Variants in ADHFE1 observed in about 807,000 individuals in gnomAD.
ADHFE1 encodes hydroxyacid-oxoacid transhydrogenase, mitochondrial.
In ADHFE1, 37 loss-of-function variants were observed where a neutral mutation model predicts 54.8. The observed-to-expected ratio is 0.68, with a 90% confidence interval of 0.52 to 0.89. The LOEUF (loss-of-function observed/expected upper bound fraction) is 0.89. Ranked by LOEUF, ADHFE1 falls within the 40% of genes least tolerant of loss-of-function variation. The pLI is 0.00. For missense variants in ADHFE1, 601 were observed against 591.2 expected (o/e 1.02, Z -0.17); for synonymous variants, 203 against 229.3 (o/e 0.89, Z 1.04).
intron 8 of ADHFE1, among the ~76,000 whole-genome samples, chr8:66,450,005 T>A (rs779350423): frequency 5.3e-5 from 8 of 152,170 alleles, no homozygotes; most frequent in Non-Finnish European, 8.8e-5. Flanking sequence ...TGCCTGCACA[T>A]CCCTGTACAG....
chr8:66,453,728 C>A lies in ADHFE1; in HGVS notation c.888-331C>A, dbSNP rs186204925. 157 of 1,375,532 alleles carry A rather than the reference C, an allele frequency of 1.1e-4. No individual in the cohort carries two copies. In the African/African-American group the frequency reaches 2.1e-3, roughly 19 times the overall value. The allele number at this position is 1,375,532 out of a possible 1,614,324, so 85.2% of individuals were successfully genotyped here. On this transcript the variant is annotated intron_variant, in intron 9 of 13. Coordinates refer to ENST00000396623, the MANE Select transcript of ADHFE1 (RefSeq NM_144650.3). ...TTCACAGGGCCGTCAACAGCACTGA[C>A]AAATGAAGAAGAAGAATGAGTCTCA...
intron 13 of ADHFE1, among the ~76,000 whole-genome samples, chr8:66,463,642 A>G (rs1807021113): frequency 6.6e-6 from 1 of 152,218 alleles, no homozygotes; most frequent in African/African-American, 2.4e-5. Context: ...ACTGTTTTAC[A>G]GGAATGCTGT....
At position 66,441,971 on chromosome 8, in the gene ADHFE1, C is replaced by CA. The variant is rs1342780853; in HGVS notation, c.98-814dup. Among the ~76,000 whole-genome samples, 411 of 116,244 alleles carry CA rather than the reference C, an allele frequency of 3.5e-3. 1 individual carries two copies. Among genetic ancestry groups the CA allele is most frequent in the African/African-American group, 5.4e-3 (168 of 31,060 alleles). The allele number at this position is 116,244 out of a possible 152,430, so 76.3% of individuals were successfully genotyped here. On this transcript the variant is annotated intron_variant, in intron 2 of 13. Coordinates refer to ENST00000396623, the MANE Select transcript of ADHFE1 (RefSeq NM_144650.3). ...TGGGTGACAGAGCAAAACTCCATCT[C>CA]AAAAAAAAAAAAAGGTTTATTAAAT...
chr8:66,468,045 CAAGGGGCAGTGGCTTTCG>C (rs1025698536), intron 13 of ADHFE1, among the ~76,000 whole-genome samples: 1 of 152,102 alleles, frequency 6.6e-6, no homozygotes, highest in African/African-American at 2.4e-5. Flanking sequence ...GGGCGTAAGG[CAAGGGGCAGTGGCTTTCG>C]AAAGCTCTGT....
Position 66,453,639 on chromosome 8 carries a change from T to C in ADHFE1, c.888-420T>C, listed in dbSNP as rs181785747. On this transcript the variant is annotated intron_variant, in intron 9 of 13. Coordinates refer to ENST00000396623, the MANE Select transcript of ADHFE1 (RefSeq NM_144650.3). The stretch of plus-strand genomic sequence containing the variant: ...CCCCAGTGGGTCCAGTGGGAGGCAG[T>C]GTCTCAGAGAGAAAGAGCGCTGGCC... 7.9e-4 allele frequency: 1,019 copies of C among 1,298,008 alleles called. 9 individuals are homozygous for C. The African/African-American group carries it at 0.014, about 18-fold the overall frequency. 80.4% of individuals were successfully genotyped at this position (1,298,008 alleles called of 1,614,324 possible).
intron 6 of ADHFE1, among the ~76,000 whole-genome samples, chr8:66,446,463 G>A (rs970887268): frequency 6.6e-6 from 1 of 152,226 alleles, no homozygotes; most frequent in Non-Finnish European, 1.5e-5. Flanking sequence ...CCCCCAAGGA[G>A]CCTGAGGTTC....
intron 12 of ADHFE1, among the ~76,000 whole-genome samples, chr8:66,457,468 AC>A (rs1806646611): frequency 1.4e-5 from 2 of 146,550 alleles, no homozygotes; most frequent in African/African-American, 2.6e-5. Flanking sequence ...ACAGAGTGAG[AC>A]TCTCTCTCTC....
chr8:66,465,231 C>T (rs987475439), intron 13 of ADHFE1, among the ~76,000 whole-genome samples: 6 of 152,102 alleles, frequency 3.9e-5, no homozygotes, highest in Non-Finnish European at 5.9e-5. Flanking sequence ...GGGGTATATA[C>T]CTAGGAGTAG....
At chr8:66,461,226 G>C (rs143937080) in intron 13 of ADHFE1, among the ~76,000 whole-genome samples, 181 of 152,296 alleles carry the variant, frequency 1.2e-3, no homozygotes, top group African/African-American at 4.2e-3. Context: ...CCACACCATA[G>C]TCGCCATGCC....
At chr8:66,465,775 T>C (rs188017378) in intron 13 of ADHFE1, among the ~76,000 whole-genome samples, 34 of 151,760 alleles carry the variant, frequency 2.2e-4, no homozygotes, top group African/African-American at 8.0e-4. Context: ...AATTTTTGTA[T>C]TTTTAGTAGA....
chr8:66,452,060 T>G lies in ADHFE1; in HGVS notation c.842T>G (p.Ile281Ser). 1 of 1,614,154 alleles carries G rather than the reference T, an allele frequency of 6.2e-7. No individual in the cohort carries two copies. The highest frequency in any genetic ancestry group is 2.2e-5 in the East Asian group (1 of 44,888). The change falls in exon 9 of 14, where the codon ATT becomes AGT. Residue 281 changes from isoleucine to serine, a missense_variant. Coordinates refer to ENST00000396623, the MANE Select transcript of ADHFE1 (RefSeq NM_144650.3). ...CAGGGCAGCAACCCAATCAGTGACA[T>G]TTGGGCTATCCACGCGCTGCGGATC... ...AYQGSNPISD[I>S]WAIHALRIVA... is the part of the protein sequence containing the mutation.
intron 1 of ADHFE1, among the ~76,000 whole-genome samples, chr8:66,433,742 A>G (rs971310424): frequency 6.5e-4 from 99 of 152,390 alleles, no homozygotes; most frequent in African/African-American, 2.1e-3. Flanking sequence ...CCATGACAAA[A>G]GAATTACATG....
In ADHFE1 at chr8:66,444,635, A is replaced by G; in HGVS notation, c.240A>G (p.Thr80=). Residue 80 remains threonine, a synonymous_variant, in exon 5 of 14, where the codon ACA becomes ACG. Coordinates refer to ENST00000396623, the MANE Select transcript of ADHFE1 (RefSeq NM_144650.3). ...NMGAKNVCLM[T]DKNLSKLPPV... Reference sequence around the variant, plus strand: ...GTGCTAAAAATGTGTGCTTGATGACAGACAAGAACCTCTCCAAGCTCCCTC... The same window carrying G: ...GTGCTAAAAATGTGTGCTTGATGACGGACAAGAACCTCTCCAAGCTCCCTC... 2.5e-6 allele frequency: 4 copies of G among 1,614,210 alleles called. No individual in the cohort carries two copies. The highest frequency in any genetic ancestry group is 3.4e-6 in the Non-Finnish European group (4 of 1,180,042).
chr8:66,453,684 C>T (rs1435641555), intron 9 of ADHFE1: 1 of 1,367,884 alleles, frequency 7.3e-7, no homozygotes, highest in Non-Finnish European at 9.8e-7. Context: ...CCCCGGGCAT[C>T]TGAGAATGTT....
rs372348877 is a variant in ADHFE1, at chr8:66,445,159, G to A, written c.354-59G>A. The A allele has an allele frequency of 1.3e-5, 19 of 1,472,748 alleles. 1 individual carries two copies. In the African/African-American group the frequency reaches 1.4e-4, roughly 11 times the overall value. The allele number at this position is 1,472,748 out of a possible 1,614,324, so 91.2% of individuals were successfully genotyped here. A position where few individuals can be genotyped will look rare whatever the true frequency, so the allele number is the denominator to read the frequency against. On this transcript the variant is annotated intron_variant, in intron 5 of 13. Coordinates refer to ENST00000396623, the MANE Select transcript of ADHFE1 (RefSeq NM_144650.3). ...AACTTACCCCAAGCCTTAGTTAATG[G>A]CATGGCAATTTATTTCTGAAAAATA...
At position 66,447,397 on chromosome 8, in the gene ADHFE1, T is replaced by A. The variant is rs1039888956; in HGVS notation, c.628+56T>A. 4.5e-6 allele frequency: 6 copies of A among 1,330,702 alleles called. No homozygotes were observed. The African/African-American group carries it at 7.3e-5, about 16-fold the overall frequency. The allele number at this position is 1,330,702 out of a possible 1,614,324, so 82.4% of individuals were successfully genotyped here. On this transcript the variant is annotated intron_variant, in intron 7 of 13. Coordinates refer to ENST00000396623, the MANE Select transcript of ADHFE1 (RefSeq NM_144650.3). ...TACCTTTCAACTCCACACTCTTCTT[T>A]AAATCCTAATATTTAAAAATCAAGC...
chr8:66,442,086 AC>A (rs557631681), intron 2 of ADHFE1, among the ~76,000 whole-genome samples: 24 of 152,190 alleles, frequency 1.6e-4, no homozygotes, highest in Non-Finnish European at 3.5e-4. Flanking sequence ...ATTAAAAAAA[AC>A]AATTCAAACA....
intron 10 of ADHFE1, among the ~76,000 whole-genome samples, chr8:66,454,824 C>T (rs1192581002): frequency 2.0e-5 from 3 of 152,020 alleles, no homozygotes; most frequent in African/African-American, 7.2e-5. Flanking sequence ...AGCAATTCTC[C>T]TGCCTCAGCC....
chr8:66,460,189 TG>T, intron 12 of ADHFE1, 118 bp from the exon 13 acceptor site: 1 of 1,309,716 alleles, frequency 7.6e-7, no homozygotes, highest in South Asian at 1.3e-5. Flanking sequence ...GATGGCCCCG[TG>T]CTGGGCGTTA....
Sources: allele counts gnomAD v4.1 joint callset (sites outside exome capture counted in the v4.1 genomes callset), GRCh38; gene constraint gnomAD v4.1.1; transcripts MANE v1.5; gene names NCBI Gene and HGNC (gene_info 2026-07-23, HGNC 2026-07-21).